MBNL1: variants seen among roughly 807,000 people sequenced by gnomAD.
MBNL1 encodes muscleblind like splicing regulator 1, also known as muscleblind-like protein 1.
Under a neutral mutation model 42.2 loss-of-function variants are expected in MBNL1, and 8 were observed. That is an observed-to-expected ratio of 0.19 (90% CI 0.11 to 0.34). The LOEUF is 0.34. Among genes scored for constraint, MBNL1 ranks in the 10% least tolerant of loss-of-function variants. The pLI is 1.00. For synonymous variants in MBNL1, 169 were observed against 173.9 expected (o/e 0.97, Z 0.22); for missense variants, 309 against 495.3 (o/e 0.62, Z 3.57).
intron 2 of MBNL1, among the ~76,000 whole-genome samples, chr3:152,314,134 A>G (rs2068867231): frequency 6.6e-6 from 1 of 152,200 alleles, no homozygotes; most frequent in Non-Finnish European, 1.5e-5. Context: ...ACCTGCACAG[A>G]TTAGAAGGTT....
intron 2 of MBNL1, among the ~76,000 whole-genome samples, chr3:152,311,001 CTTTTTTTTTTTTT>C (rs71144111): frequency 3.0e-4 from 23 of 77,508 alleles, no homozygotes; most frequent in East Asian, 8.8e-4. Context: ...AACCATGAGA[CTTTTTTTTTTTTT>C]TTTTTTTTTT....
chr3:152,459,711 ACTCTC>A (rs750917965), intron 9 of MBNL1, among the ~76,000 whole-genome samples: 4 of 151,872 alleles, frequency 2.6e-5, no homozygotes, highest in Non-Finnish European at 5.9e-5. Context: ...TGTTGCAGCT[ACTCTC>A]CTCTGCCATT....
chr3:152,317,112 G>A (rs368171052), intron 2 of MBNL1, among the ~76,000 whole-genome samples: 36 of 152,006 alleles, frequency 2.4e-4, no homozygotes, highest in African/African-American at 7.5e-4. Context: ...CTACTTGATG[G>A]TACCTTGGTT....
At chr3:152,323,726 T>C (rs762649395) in intron 2 of MBNL1, among the ~76,000 whole-genome samples, 6 of 152,212 alleles carry the variant, frequency 3.9e-5, no homozygotes, top group African/African-American at 1.4e-4. Context: ...AGAAAAGATA[T>C]TGTGTTGTGC....
chr3:152,283,951 G>C (rs1253944261), intron 1 of MBNL1, among the ~76,000 whole-genome samples: 2 of 152,024 alleles, frequency 1.3e-5, no homozygotes, highest in Admixed American at 1.3e-4. Flanking sequence ...AAGCTTTCTT[G>C]TTACCTCTAC....
chr3:152,310,755 A>G (rs1195250897), intron 2 of MBNL1, among the ~76,000 whole-genome samples: 2 of 152,118 alleles, frequency 1.3e-5, no homozygotes, highest in African/African-American at 4.8e-5. Flanking sequence ...CCTAAAGTCC[A>G]GAAGAATTTT....
intron 1 of MBNL1, among the ~76,000 whole-genome samples, chr3:152,297,607 G>A (rs2151371918): frequency 1.3e-5 from 2 of 152,114 alleles, no homozygotes; most frequent in Admixed American, 1.3e-4. Context: ...GCCTGCCTCG[G>A]CCTCCCAAAG....
At chr3:152,254,797 T>C (rs2035214449) in intron 2 of MBNL1, among the ~76,000 whole-genome samples, 1 of 152,148 alleles carries the variant, frequency 6.6e-6, no homozygotes, top group African/African-American at 2.4e-5. Flanking sequence ...TGTATCATCA[T>C]GTCAGGTGCT....
At chr3:152,288,706 A>T (rs1449885588) in intron 1 of MBNL1, among the ~76,000 whole-genome samples, 1 of 152,220 alleles carries the variant, frequency 6.6e-6, no homozygotes, top group Admixed American at 6.5e-5. Flanking sequence ...TAAAGTATTT[A>T]TTGTCTATTT....
At chr3:152,340,674 A>C in intron 2 of MBNL1, 1 of 1,614,056 alleles carries the variant, frequency 6.2e-7, no homozygotes, top group Non-Finnish European at 8.5e-7. Context: ...TCTTATTCGC[A>C]TAATACCTAG....
chr3:152,418,058 T>C (rs1441726945), intron 3 of MBNL1, among the ~76,000 whole-genome samples: 6 of 152,178 alleles, frequency 3.9e-5, no homozygotes, highest in Non-Finnish European at 8.8e-5. Context: ...TGAGCTTCTA[T>C]TGAAATGTAC....
intron 2 of MBNL1, among the ~76,000 whole-genome samples, chr3:152,317,700 C>T (rs969922507): frequency 6.6e-6 from 1 of 152,192 alleles, no homozygotes; most frequent in Admixed American, 6.5e-5. Context: ...CTTTGAATTT[C>T]TAACTGATTC....
intron 6 of MBNL1, among the ~76,000 whole-genome samples, chr3:152,452,421 C>CG (rs1378565565): frequency 4.6e-5 from 7 of 152,182 alleles, no homozygotes; most frequent in African/African-American, 1.7e-4. Flanking sequence ...CCTGACCTTA[C>CG]CTCAATGTGA....
intron 2 of MBNL1, chr3:152,262,731 A>G (rs565735570): frequency 5.9e-5 from 9 of 152,356 alleles, no homozygotes; most frequent in African/African-American, 2.2e-4. Flanking sequence ...ATTAGATACT[A>G]TTTTTAAAAG....
At chr3:152,366,200 TTTG>T (rs146410455) in intron 2 of MBNL1, among the ~76,000 whole-genome samples, 1,704 of 151,944 alleles carry the variant, frequency 0.011, 24 homozygotes, top group African/African-American at 0.039. Flanking sequence ...AGCCCGAGGG[TTTG>T]TTGTTGTTTG....
At chr3:152,347,930 C>T (rs142530887) in intron 2 of MBNL1, among the ~76,000 whole-genome samples, 4 of 152,156 alleles carry the variant, frequency 2.6e-5, no homozygotes. Context: ...ATGTTGTTCT[C>T]ATGAACAGTA....
rs182314334 is a variant in MBNL1 at position 152,286,413 on chromosome 3, T to C, written c.-789-12992T>C. Reference sequence around the variant, plus strand: ...ATATTTTATTTATAATATAAATATTTATATTTTATTTATAATATAAATATT... The same window carrying C: ...ATATTTTATTTATAATATAAATATTCATATTTTATTTATAATATAAATATT... On this transcript the variant is annotated intron_variant, in intron 1 of 9. Coordinates refer to ENST00000324210, the MANE Select transcript of MBNL1 (RefSeq NM_021038.5). Among the ~76,000 whole-genome samples, 8 of 118,702 alleles carry C rather than the reference T, an allele frequency of 6.7e-5. 1 individual carries two copies. The highest frequency in any genetic ancestry group is 1.5e-4 in the Non-Finnish European group (8 of 52,070). 77.9% of individuals were successfully genotyped at this position (118,702 alleles called of 152,430 possible). A position where few individuals can be genotyped will look rare whatever the true frequency, so the allele number is the denominator to read the frequency against.
At chr3:152,381,075 C>G (rs958146165) in intron 2 of MBNL1, among the ~76,000 whole-genome samples, 1 of 152,008 alleles carries the variant, frequency 6.6e-6, no homozygotes, top group African/African-American at 2.4e-5. Context: ...AACCATGCAT[C>G]TTTTCTCAAA....
In MBNL1 at chr3:152,319,628, T is replaced by TG. The variant is rs568595757; in HGVS notation, c.174+19261_174+19262insG. ...AGTTCTATACTGTTTTTTTTTTTTT[T>TG]TTTTTTTTTTTGGCTGGACAACAGA... On this transcript the variant is annotated intron_variant, in intron 2 of 9. Coordinates refer to ENST00000324210, the MANE Select transcript of MBNL1 (RefSeq NM_021038.5). Among the ~76,000 whole-genome samples the TG allele has an allele frequency of 8.2e-3, 1,197 of 146,276 alleles. 19 individuals carry two copies. Among genetic ancestry groups the TG allele is most frequent in the Non-Finnish European group, 0.011 (758 of 66,460 alleles).
Sources: allele counts gnomAD v4.1 joint callset (sites outside exome capture counted in the v4.1 genomes callset), GRCh38; gene constraint gnomAD v4.1.1; transcripts MANE v1.5; gene names NCBI Gene and HGNC (gene_info 2026-07-23, HGNC 2026-07-21).